SNAP25: variants seen among roughly 807,000 people sequenced by gnomAD.
The protein encoded by SNAP25 is synaptosome associated protein 25, also known as synaptosomal-associated protein 25.
In SNAP25, 3 loss-of-function variants were observed where a neutral mutation model predicts 28.7. That is an observed-to-expected ratio of 0.10 (90% CI 0.05 to 0.27). The LOEUF (loss-of-function observed/expected upper bound fraction) is 0.27. Ranked by LOEUF, SNAP25 falls within the 10% of genes least tolerant of loss-of-function variation. The probability of loss-of-function intolerance (pLI) is 1.00; values close to 1 mark genes in which losing one functional copy is unlikely to be tolerated. For missense variants in SNAP25, 117 were observed against 278.7 expected (o/e 0.42, Z 4.13); for synonymous variants, 61 against 88.1 (o/e 0.69, Z 1.72).
intron 6 of SNAP25, 57 bp from the exon 7 acceptor site, chr20:10,299,211 T>C (rs2123158118): frequency 6.3e-7 from 1 of 1,585,490 alleles, no homozygotes; most frequent in East Asian, 2.3e-5. Context: ...TTTGGGTCCT[T>C]GGTATTCAAT....
At chr20:10,254,579 T>A (rs1172981888) in intron 1 of SNAP25, among the ~76,000 whole-genome samples, 1 of 152,130 alleles carries the variant, frequency 6.6e-6, no homozygotes, top group East Asian at 1.9e-4. Context: ...GCTTATGGAA[T>A]CCCAAAGGAG....
At chr20:10,281,324 T>C (rs2063774454) in intron 3 of SNAP25, among the ~76,000 whole-genome samples, 1 of 152,166 alleles carries the variant, frequency 6.6e-6, no homozygotes, top group Non-Finnish European at 1.5e-5. Context: ...CATGTCTCTA[T>C]CCCTGCCCAT....
intron 3 of SNAP25, among the ~76,000 whole-genome samples, chr20:10,284,134 C>T (rs1454162292): frequency 6.6e-6 from 1 of 151,816 alleles, no homozygotes; most frequent in African/African-American, 2.4e-5. Context: ...TACTGTAGAC[C>T]CTCTCCATAG....
At chr20:10,282,894 C>A (rs1278355642) in intron 3 of SNAP25, among the ~76,000 whole-genome samples, 1 of 152,188 alleles carries the variant, frequency 6.6e-6, no homozygotes, top group Non-Finnish European at 1.5e-5. Flanking sequence ...TGTTTACAAC[C>A]CATTTAAAGA....
intron 6 of SNAP25, among the ~76,000 whole-genome samples, chr20:10,298,825 CTTAAT>C (rs1036074249): frequency 6.6e-6 from 1 of 152,142 alleles, no homozygotes. Flanking sequence ...TTATTGTATT[CTTAAT>C]TTGAGTCTTA....
intron 7 of SNAP25, among the ~76,000 whole-genome samples, chr20:10,305,358 A>G (rs1036252252): frequency 6.6e-6 from 1 of 152,182 alleles, no homozygotes; most frequent in Non-Finnish European, 1.5e-5. Flanking sequence ...CCTGGGCAAC[A>G]TAGTGAGATC....
intron 1 of SNAP25, among the ~76,000 whole-genome samples, chr20:10,270,520 G>A (rs187253479): frequency 6.6e-6 from 1 of 152,022 alleles, no homozygotes; most frequent in African/African-American, 2.4e-5. Flanking sequence ...CCAACATGGT[G>A]AAACCCTATC....
intron 1 of SNAP25, among the ~76,000 whole-genome samples, chr20:10,224,257 C>CTTT (rs71332917): frequency 0.029 from 491 of 17,190 alleles, 74 homozygotes; most frequent in African/African-American, 0.039. Flanking sequence ...ATGTACATGT[C>CTTT]TTTTTTTTTT....
At chr20:10,243,019 G>A (rs1397496790) in intron 1 of SNAP25, among the ~76,000 whole-genome samples, 2 of 152,146 alleles carry the variant, frequency 1.3e-5, no homozygotes, top group African/African-American at 4.8e-5. Context: ...AAGTAGGGCC[G>A]CCTAACAGCT....
rs2064181601 is a variant in SNAP25 at position 10,299,299 on chromosome 20, G to C, written c.439G>C (p.Asp147His). 6.2e-7 allele frequency: 1 copy of C among 1,613,828 alleles called. No homozygotes were observed. The highest frequency in any genetic ancestry group is 1.3e-5 in the African/African-American group (1 of 74,882). ...AAATGATGCCCGAGAAAATGAAATG[G>C]ATGAAAACCTAGAGCAGGTGAGCGG... is the stretch of plus-strand genomic sequence containing the variant. ...VTNDARENEM[D>H]ENLEQVSGII... Residue 147 changes from aspartate (D) to histidine (H), a missense_variant, in exon 7 of 8, where the codon GAT becomes CAT. Transcript: ENST00000254976.
chr20:10,267,832 A>G (rs6039796), intron 1 of SNAP25, among the ~76,000 whole-genome samples: 80,184 of 152,118 alleles, frequency 0.53, 21,893 homozygotes, highest in African/African-American at 0.67. Context: ...TTATAGGCAT[A>G]AGCCACCGTG....
Position 10,269,085 on chromosome 20 carries a change from A to G in SNAP25, c.-63-6344A>G, listed in dbSNP as rs185475072. Reference sequence around the variant, plus strand: ...CAATCAAAGGCAAATTTGTTTTTACATCTTGTATTTTACTTCATGCATTGT... The same window carrying G: ...CAATCAAAGGCAAATTTGTTTTTACGTCTTGTATTTTACTTCATGCATTGT... On this transcript the variant is annotated intron_variant, in intron 1 of 7. Coordinates refer to ENST00000254976, the MANE Select transcript of SNAP25 (RefSeq NM_130811.4). Among the ~76,000 whole-genome samples the G allele has an allele frequency of 2.8e-4, 42 of 152,364 alleles. 1 individual carries two copies. The highest frequency in any genetic ancestry group is 9.4e-4 in the African/African-American group (39 of 41,592).
intron 1 of SNAP25, chr20:10,219,657 G>T (rs1417599869): frequency 6.6e-6 from 1 of 152,232 alleles, no homozygotes; most frequent in African/African-American, 2.4e-5. Context: ...GGGCTCGCGC[G>T]GGCGCCCTCG....
intron 1 of SNAP25, among the ~76,000 whole-genome samples, chr20:10,274,607 GC>G (rs999797784): frequency 1.3e-5 from 2 of 152,180 alleles, no homozygotes; most frequent in African/African-American, 4.8e-5. Context: ...ACTTTGGGAG[GC>G]CAAGGCAGGC....
At chr20:10,282,259 T>C (rs930897469) in intron 3 of SNAP25, among the ~76,000 whole-genome samples, 1 of 151,474 alleles carries the variant, frequency 6.6e-6, no homozygotes, top group African/African-American at 2.4e-5. Context: ...AAAAGGAGCC[T>C]GTGAGTGATT....
chr20:10,240,402 A>AC (rs2063004927), intron 1 of SNAP25, among the ~76,000 whole-genome samples: 2 of 152,144 alleles, frequency 1.3e-5, no homozygotes, highest in African/African-American at 4.8e-5. Flanking sequence ...TACACGCAGG[A>AC]TCCATTTACG....
Position 10,246,787 on chromosome 20 carries a change from C to T in SNAP25, c.-64+27810C>T, listed in dbSNP as rs146524161. Reference sequence around the variant, plus strand: ...TCATTCTAAAGATGTGTTCACCAGCCGCTGGGTACAATATTCCTGTTAGGG... The same window carrying T: ...TCATTCTAAAGATGTGTTCACCAGCTGCTGGGTACAATATTCCTGTTAGGG... On this transcript the variant is annotated intron_variant, in intron 1 of 7. Coordinates refer to ENST00000254976, the MANE Select transcript of SNAP25 (RefSeq NM_130811.4). Among the ~76,000 whole-genome samples the T allele has an allele frequency of 6.6e-4, 101 of 152,190 alleles. 1 individual carries two copies. The South Asian group carries it at 8.5e-3, about 13-fold the overall frequency.
At chr20:10,263,585 T>A (rs981770004) in intron 1 of SNAP25, among the ~76,000 whole-genome samples, 1 of 152,180 alleles carries the variant, frequency 6.6e-6, no homozygotes, top group Non-Finnish European at 1.5e-5. Flanking sequence ...CTGAGAGGAA[T>A]CATTTTGTTT....
chr20:10,293,384 G>A lies in SNAP25; in HGVS notation c.281+106G>A, dbSNP rs2064040213. ...CATAGGCAGGATGAGCATGTGGCATGCAGAACAGATCAATACCGTCTCCAA... is the reference window on the plus strand; with the variant it reads ...CATAGGCAGGATGAGCATGTGGCATACAGAACAGATCAATACCGTCTCCAA... On this transcript the variant is annotated intron_variant, in intron 5 of 7. Coordinates refer to ENST00000254976, the MANE Select transcript of SNAP25 (RefSeq NM_130811.4). This position sits in a 1 kb window ranked among gnomAD's most constrained non-coding sequence, Gnocchi z 5.6. 2.5e-6 allele frequency: 2 copies of A among 806,520 alleles called. No homozygotes were observed. The highest frequency in any genetic ancestry group is 1.7e-5 in the African/African-American group (1 of 59,040). The allele number at this position is 806,520 out of a possible 1,614,324, so 50.0% of individuals were successfully genotyped here.
Sources: allele counts gnomAD v4.1 joint callset (sites outside exome capture counted in the v4.1 genomes callset), GRCh38; gene constraint gnomAD v4.1.1; non-coding constraint Gnocchi (gnomAD v3.1); transcripts MANE v1.5; gene names NCBI Gene and HGNC (gene_info 2026-07-23, HGNC 2026-07-21).